Variants in THRAP3 observed in about 807,000 individuals in gnomAD.
THRAP3 encodes thyroid hormone receptor-associated protein 3.
THRAP3 carries 16 observed loss-of-function variants against 101.0 expected under a neutral mutation model. The ratio of observed to expected loss-of-function variants is 0.16; its 90% CI spans 0.11 to 0.24. The LOEUF is 0.24. Among genes scored for constraint, THRAP3 ranks in the 10% least tolerant of loss-of-function variants. THRAP3 has a pLI of 1.00. For synonymous variants in THRAP3, 407 were observed against 422.6 expected (o/e 0.96, Z 0.45); for missense variants, 989 against 1,202.7 (o/e 0.82, Z 2.63).
intron 2 of THRAP3, among the ~76,000 whole-genome samples, chr1:36,270,571 G>GGGTTTTTTTTTTTTTT (rs1553121666): frequency 3.1e-5 from 1 of 31,870 alleles, no homozygotes; most frequent in African/African-American, 7.1e-5. Flanking sequence ...ATTTGTTTAG[G>GGGTTTTTTTTTTTTTT]TTTTTGTTTT....
the THRAP3 span, among the ~76,000 whole-genome samples, chr1:36,207,852 G>A: frequency 6.6e-6 from 1 of 152,114 alleles, no homozygotes; most frequent in Non-Finnish European, 1.5e-5. Flanking sequence ...GAGTGCCGTG[G>A]CACGATCTTG....
rs1424395716 is a variant in THRAP3, at chr1:36,236,252, AC to A, written c.-135+11748del. ...AAAAAAAAAAAAACCTTCATGACAG[AC>A]TGGGCGCAAAAACCAAACCTTTATG... On this transcript the variant is annotated intron_variant, in intron 1 of 11. Coordinates refer to ENST00000354618, the MANE Select transcript of THRAP3 (RefSeq NM_005119.4). Among the ~76,000 whole-genome samples, 16 of 50,286 alleles carry A rather than the reference AC, an allele frequency of 3.2e-4. No individual in the cohort carries two copies. In the South Asian group the frequency reaches 7.0e-3, roughly 22 times the overall value. 33.0% of individuals were successfully genotyped at this position (50,286 alleles called of 152,430 possible).
chr1:36,268,118 T>C (rs1173608420), intron 2 of THRAP3, among the ~76,000 whole-genome samples: 1 of 151,752 alleles, frequency 6.6e-6, no homozygotes, highest in Non-Finnish European at 1.5e-5. Context: ...AGGTGAAGAT[T>C]GTAGTGAGCC....
chr1:36,257,465 C>G (rs77033154), intron 1 of THRAP3, among the ~76,000 whole-genome samples: 12,811 of 152,130 alleles, frequency 0.084, 758 homozygotes, highest in Middle Eastern at 0.23. Context: ...GTGGAGTCTC[C>G]TTGCTAATAC....
At position 36,301,548 on chromosome 1, in the gene THRAP3, A is replaced by T. The variant is rs371348549; in HGVS notation, c.2503-5A>T. 6.2e-7 allele frequency: 1 copy of T among 1,612,118 alleles called. No homozygotes were observed. The highest frequency in any genetic ancestry group is 2.2e-5 in the East Asian group (1 of 44,882). On this transcript the variant is annotated splice_polypyrimidine_tract_variant and splice_region_variant and intron_variant, in intron 10 of 11. Coordinates refer to ENST00000354618, the MANE Select transcript of THRAP3 (RefSeq NM_005119.4). ...TTGTTCTTTTTCCCTCATTTATTGC[A>T]ATAGCAGTTTCGAGCCAGAGGAAGA...
chr1:36,259,119 A>T (rs1645412086), intron 1 of THRAP3, among the ~76,000 whole-genome samples: 1 of 152,206 alleles, frequency 6.6e-6, no homozygotes, highest in African/African-American at 2.4e-5. Flanking sequence ...TTGCATAATG[A>T]AAACCTTAGC....
chr1:36,243,509 T>C (rs4653169), intron 1 of THRAP3, among the ~76,000 whole-genome samples: 115,995 of 151,904 alleles, frequency 0.76, 46,513 homozygotes, highest in Non-Finnish European at 0.88. Flanking sequence ...AGCACAGGGT[T>C]GGGGGCAAGG....
At chr1:36,284,784 T>A (rs768055239) in intron 3 of THRAP3, among the ~76,000 whole-genome samples, 4 of 152,200 alleles carry the variant, frequency 2.6e-5, no homozygotes, top group Non-Finnish European at 5.9e-5. Flanking sequence ...GGAACATGAA[T>A]TAAACCCTCC....
chr1:36,212,740 T>G, the THRAP3 span, among the ~76,000 whole-genome samples: 1 of 152,070 alleles, frequency 6.6e-6, no homozygotes, highest in Non-Finnish European at 1.5e-5. Flanking sequence ...TACAATGGAT[T>G]ATCAGAGTGC....
chr1:36,299,433 A>G (rs562739958), intron 9 of THRAP3, among the ~76,000 whole-genome samples: 57 of 151,952 alleles, frequency 3.8e-4, no homozygotes, highest in African/African-American at 1.0e-3. Context: ...GTGAGACTCC[A>G]TCTCAACAAC....
intron 2 of THRAP3, among the ~76,000 whole-genome samples, chr1:36,260,438 T>A (rs1210183848): frequency 1.3e-5 from 2 of 152,158 alleles, no homozygotes; most frequent in African/African-American, 4.8e-5. Context: ...CCTCTTTTGC[T>A]TTACAGTGTT....
At chr1:36,289,931 T>TG (rs1645844518) in intron 5 of THRAP3, among the ~76,000 whole-genome samples, 167 bp downstream of exon 5, 1 of 152,150 alleles carries the variant, frequency 6.6e-6, no homozygotes, top group Non-Finnish European at 1.5e-5. Context: ...CACAGAGTGA[T>TG]TGTGTGCTTT....
chr1:36,269,443 C>T (rs1645560591), intron 2 of THRAP3, among the ~76,000 whole-genome samples: 1 of 152,102 alleles, frequency 6.6e-6, no homozygotes, highest in African/African-American at 2.4e-5. Flanking sequence ...GAAGAGCCTC[C>T]ACTGGGAATG....
intron 1 of THRAP3, among the ~76,000 whole-genome samples, chr1:36,236,488 C>A (rs960787963): frequency 6.6e-6 from 1 of 151,782 alleles, no homozygotes; most frequent in African/African-American, 2.4e-5. Context: ...CTCCTTCCTT[C>A]TCCCCACTCC....
chr1:36,240,254 C>T (rs1645139554), intron 1 of THRAP3, among the ~76,000 whole-genome samples: 1 of 152,098 alleles, frequency 6.6e-6, no homozygotes, highest in African/African-American at 2.4e-5. Flanking sequence ...CAGTCCAAGT[C>T]TAAAAGCCTC....
At position 36,270,571 on chromosome 1, in the gene THRAP3, G is replaced by GGTTTTTTTTTTTTTTTTTTTTT. The variant is rs1553121666; in HGVS notation, c.-32+11087_-32+11088insGTTTTTTTTTTTTTTTTTTTTT. Among the ~76,000 whole-genome samples the GGTTTTTTTTTTTTTTTTTTTTT allele has an allele frequency of 4.7e-3, 150 of 31,866 alleles. 14 individuals carry two copies. The highest frequency in any genetic ancestry group is 0.011 in the African/African-American group (149 of 14,172). 20.9% of individuals were successfully genotyped at this position (31,866 alleles called of 152,430 possible). A position where few individuals can be genotyped will look rare whatever the true frequency, so the allele number is the denominator to read the frequency against. On this transcript the variant is annotated intron_variant, in intron 2 of 11. Coordinates refer to ENST00000354618, the MANE Select transcript of THRAP3 (RefSeq NM_005119.4). ...TAAAAATACAGTTCTATTTGTTTAG[G>GGTTTTTTTTTTTTTTTTTTTTT]TTTTTGTTTTTTTTTTTTTTTTTGA...
intron 2 of THRAP3, among the ~76,000 whole-genome samples, chr1:36,282,321 A>C (rs151338428): frequency 1.4e-5 from 2 of 147,792 alleles, no homozygotes; most frequent in Non-Finnish European, 3.0e-5. Context: ...GTAACTTTGC[A>C]CTCCCTCCTG....
chr1:36,270,577 G>GTTTTTTTTT (rs869142351), intron 2 of THRAP3, among the ~76,000 whole-genome samples: 3 of 34,656 alleles, frequency 8.7e-5, no homozygotes, highest in East Asian at 4.5e-3. Context: ...TTAGGTTTTT[G>GTTTTTTTTT]TTTTTTTTTT....
chr1:36,235,975 G>A (rs1423187069), intron 1 of THRAP3, among the ~76,000 whole-genome samples: 5 of 151,922 alleles, frequency 3.3e-5, no homozygotes, highest in Admixed American at 2.6e-4. Flanking sequence ...CGGACTGGGC[G>A]TGGTTGCTCC....
Sources: allele counts gnomAD v4.1 joint callset (sites outside exome capture counted in the v4.1 genomes callset), GRCh38; gene constraint gnomAD v4.1.1; transcripts MANE v1.5; gene names NCBI Gene and HGNC (gene_info 2026-07-23, HGNC 2026-07-21).